The following ATP8B3 variants were observed in gnomAD, a reference collection of about 807,000 sequenced individuals.
The protein encoded by ATP8B3 is ATPase phospholipid transporting 8B3.
ATP8B3 carries 141 observed loss-of-function variants against 140.9 expected under a neutral mutation model. That is an observed-to-expected ratio of 1.00 (90% CI 0.87 to 1.15). The LOEUF (loss-of-function observed/expected upper bound fraction) is 1.15. Ranked by LOEUF, ATP8B3 falls within the 50% of genes most tolerant of loss-of-function variation. The probability of loss-of-function intolerance (pLI) is 0.00; values close to 1 mark genes in which losing one functional copy is unlikely to be tolerated. For missense variants in ATP8B3, 1,874 were observed against 1,740.6 expected (o/e 1.08, Z -1.36); for synonymous variants, 765 against 714.6 (o/e 1.07, Z -1.13).
At chr19:1,784,320 C>A (rs1205363122) in intron 28 of ATP8B3, among the ~76,000 whole-genome samples, 1 of 152,004 alleles carries the variant, frequency 6.6e-6, no homozygotes, top group Admixed American at 6.6e-5. Context: ...TTTGAACCAG[C>A]CTGGGCACCA....
At chr19:1,785,057 C>T (rs1007707870) in intron 27 of ATP8B3, 102 bp downstream of exon 27, 1 of 1,489,652 alleles carries the variant, frequency 6.7e-7, no homozygotes, top group South Asian at 1.4e-5. Flanking sequence ...GCGCCTTCCC[C>T]AGGACACTTT....
rs202137046 is a variant in ATP8B3, at chr19:1,788,910, C to G, written c.3056G>C (p.Gly1019Ala). 6.3e-7 allele frequency: 1 copy of G among 1,595,260 alleles called. No individual in the cohort carries two copies. The highest frequency in any genetic ancestry group is 8.5e-7 in the Non-Finnish European group (1 of 1,171,670). ...MVQVWFACYN[G>A]FTGQPLYEGW... ...TGGGGGACGCACCTGGCCGGTGAAG[C>G]CGTTGTAGCAGGCAAACCAGACCTG... The change falls in exon 24 of 29, where the codon GGC (glycine) becomes GCC (alanine). Residue 1019 changes from glycine (G) to alanine (A), a missense_variant. Physicochemically the swap from Gly to Ala is moderately conservative, Grantham distance 60. This residue lies in a region of ATP8B3 where 840 missense variants were observed against 760.9 expected (regional missense o/e 1.10). Transcript: ENST00000310127.
At position 1,795,911 on chromosome 19, in the gene ATP8B3, C is replaced by T. The variant is rs747616182; in HGVS notation, c.2019G>A (p.Arg673=). 6.2e-7 allele frequency: 1 copy of T among 1,613,124 alleles called. No homozygotes were observed. The highest frequency in any genetic ancestry group is 1.7e-5 in the Admixed American group (1 of 60,012). Residue 673 remains arginine, a synonymous_variant, in exon 18 of 29, where the codon AGG becomes AGA. Transcript: ENST00000310127. ...DTVIFERLHR[R]GAMEFATEEA... ...CCTCTGTGGCAAATTCCATTGCCCC[C>T]CTCCTGTGCAAGCGTTCGAAGATGA...
intron 4 of ATP8B3, among the ~76,000 whole-genome samples, chr19:1,808,746 T>C (rs1004959515): frequency 2.0e-5 from 3 of 152,238 alleles, no homozygotes; most frequent in East Asian, 1.9e-4. Context: ...AGGGCCGCGA[T>C]GGACACATTG....
intron 20 of ATP8B3, 91 bp from the exon 21 acceptor site, chr19:1,790,923 G>T: frequency 2.9e-6 from 3 of 1,044,654 alleles, no homozygotes; most frequent in East Asian, 3.4e-5. Context: ...ATCCTGGCCC[G>T]ACCAATGGCA....
chr19:1,812,015 G>T, intron 1 of ATP8B3, 131 bp from the exon 2 acceptor site: 1 of 453,888 alleles, frequency 2.2e-6, no homozygotes, highest in East Asian at 3.7e-5. Context: ...CCTGGACAGG[G>T]CTCCAGAGTC....
chr19:1,786,430 G>A (rs1362184587), intron 25 of ATP8B3, among the ~76,000 whole-genome samples: 1 of 152,092 alleles, frequency 6.6e-6, no homozygotes, highest in Non-Finnish European at 1.5e-5. Flanking sequence ...GCCGGGCATG[G>A]TGGTGCACGC....
chr19:1,808,193 GA>G (rs1337811963), intron 5 of ATP8B3, 28 bp downstream of exon 5: 1 of 1,548,824 alleles, frequency 6.5e-7, no homozygotes, highest in African/African-American at 1.4e-5. Context: ...GGCTAGGGGG[GA>G]CTTCCTGGAG....
In ATP8B3 at chr19:1,788,907, A is replaced by G; in HGVS notation, c.3059T>C (p.Phe1020Ser). The G allele has an allele frequency of 7.5e-6, 12 of 1,593,550 alleles. No homozygotes were observed. The highest frequency in any genetic ancestry group is 1.0e-5 in the Non-Finnish European group (12 of 1,170,914). ...VQVWFACYNG[F>S]TGQPLYEGWF... ...GGGTGGGGGACGCACCTGGCCGGTGAAGCCGTTGTAGCAGGCAAACCAGAC... is the reference window on the plus strand; with the variant it reads ...GGGTGGGGGACGCACCTGGCCGGTGGAGCCGTTGTAGCAGGCAAACCAGAC... Residue 1020 changes from phenylalanine to serine, a missense_variant, in exon 24 of 29, where the codon TTC (phenylalanine) becomes TCC (serine). Phe to Ser is a radical substitution (Grantham distance 155, BLOSUM62 -2). Around this residue, in one of 3 missense-constraint regions of ATP8B3, gnomAD observed 840 missense variants for 760.9 expected, o/e 1.10. Transcript: ENST00000310127.
rs779846871 is a variant in ATP8B3, at chr19:1,796,887, T to A, written c.1585-8A>T. On this transcript the variant is annotated splice_region_variant and splice_polypyrimidine_tract_variant and intron_variant, in intron 15 of 28. Transcript: ENST00000310127. ...CCAGAGGTAGGGGTTCTCCTGGGGG[T>A]GGCGGGGGCACGGGCCGGCTGTGGG... 2 of 1,602,980 alleles carry A rather than the reference T, an allele frequency of 1.2e-6. No homozygotes were observed. The highest frequency in any genetic ancestry group is 1.7e-6 in the Non-Finnish European group (2 of 1,173,750).
rs1281835179 is a variant in ATP8B3, at chr19:1,806,034, G to A, written c.750+63C>T. 4 of 1,607,224 alleles carry A rather than the reference G, an allele frequency of 2.5e-6. No individual in the cohort carries two copies. Among genetic ancestry groups the A allele is most frequent in the Non-Finnish European group, 3.4e-6 (4 of 1,177,438 alleles). On this transcript the variant is annotated intron_variant, in intron 8 of 28. Coordinates refer to ENST00000310127, the MANE Select transcript of ATP8B3 (RefSeq NM_138813.4). This position sits in a 1 kb window ranked among gnomAD's most constrained non-coding sequence, Gnocchi z 5.6. ...GGGGTGCGGCAGCCCTCCCCACCCTGGGAGGGGTGCTCTCGGTGAGGGGGC... is the reference window on the plus strand; with the variant it reads ...GGGGTGCGGCAGCCCTCCCCACCCTAGGAGGGGTGCTCTCGGTGAGGGGGC...
chr19:1,800,096 T>G lies in ATP8B3; in HGVS notation c.1403A>C (p.Tyr468Ser), dbSNP rs771681089. The G allele has an allele frequency of 1.1e-4, 179 of 1,572,120 alleles. 4 individuals carry two copies. The South Asian group carries it at 2.0e-3, about 18-fold the overall frequency. ...VFIDWDVQMY[Y>S]KPQDVPAKAR... Reference sequence around the variant, plus strand: ...CTTGGCAGGCACGTCCTGCGGCTTGTAGTACATCTGCACGTCCCAGTCGAT... The same window carrying G: ...CTTGGCAGGCACGTCCTGCGGCTTGGAGTACATCTGCACGTCCCAGTCGAT... The change falls in exon 14 of 29, where the codon TAC becomes TCC. Residue 468 changes from tyrosine (Y) to serine (S), a missense_variant. Physicochemically the swap from Tyr to Ser is moderately radical, Grantham distance 144. Transcript: ENST00000310127. The surrounding 1 kb of genome is among the most constrained non-coding windows in gnomAD (Gnocchi z 4.4).
Position 1,806,097 on chromosome 19 carries a change from T to C in ATP8B3, c.750A>G (p.Pro250=), listed in dbSNP as rs779990737. ...GACCTCGGGGTCAACCCCAGCTCAC[T>C]GGGACGATGTTGTCCTTGCGGAGAC... ...VVCLRKDNIV[P]ADMLLLASTE... is the part of the protein sequence containing the mutation. Residue 250 remains proline (P), a splice_region_variant and synonymous_variant, in exon 8 of 29, where the codon CCA becomes CCG. Transcript: ENST00000310127. This position sits in a 1 kb window ranked among gnomAD's most constrained non-coding sequence, Gnocchi z 5.6. 4 of 1,601,894 alleles carry C rather than the reference T, an allele frequency of 2.5e-6. No homozygotes were observed. The highest frequency in any genetic ancestry group is 3.4e-6 in the Non-Finnish European group (4 of 1,174,820).
Position 1,802,541 on chromosome 19 carries a change from G to A in ATP8B3, c.1009C>T (p.Arg337Ter), listed in dbSNP as rs568761860. The A allele has an allele frequency of 9.9e-6, 16 of 1,609,340 alleles. No homozygotes were observed. The highest frequency in any genetic ancestry group is 3.3e-5 in the South Asian group (3 of 90,880). ...TCTGTGTTGCGAATCCTGCAGCCTC[G>A]GAGGAGGAGGTTGCCAATGTCCAGG... ...YSLDIGNLLL[R>*]GCRIRNTDTC... is the part of the protein sequence containing the mutation. The change falls in exon 11 of 29, where the codon CGA becomes TGA. Residue 337 changes from arginine to a stop codon, truncating the protein, a stop_gained. Coordinates refer to ENST00000310127, the MANE Select transcript of ATP8B3 (RefSeq NM_138813.4). LOFTEE classifies it high-confidence loss of function.
chr19:1,791,718 G>A (rs1198175510), intron 20 of ATP8B3, 32 bp downstream of exon 20: 5 of 1,541,402 alleles, frequency 3.2e-6, no homozygotes, highest in Non-Finnish European at 4.5e-6. Flanking sequence ...ATGCTGCAGG[G>A]GCTTAGCCAC....
At chr19:1,786,114 A>T (rs1271377262) in intron 25 of ATP8B3, among the ~76,000 whole-genome samples, 2 of 151,964 alleles carry the variant, frequency 1.3e-5, no homozygotes, top group Non-Finnish European at 2.9e-5. Context: ...CCTGGGTGAG[A>T]GAATGGGACC....
intron 22 of ATP8B3, 79 bp from the exon 23 acceptor site, chr19:1,789,806 C>T: frequency 6.3e-7 from 1 of 1,578,260 alleles, no homozygotes; most frequent in Non-Finnish European, 8.6e-7. Context: ...TCGGCCTCGC[C>T]AGCAGTCCCC....
intron 14 of ATP8B3, among the ~76,000 whole-genome samples, chr19:1,797,413 C>G (rs1378676530): frequency 1.3e-5 from 2 of 152,118 alleles, no homozygotes; most frequent in Non-Finnish European, 2.9e-5. Flanking sequence ...GGGATGCAGC[C>G]CCATCCGTGG....
intron 14 of ATP8B3, chr19:1,799,549 G>A (rs568288059): frequency 2.6e-5 from 10 of 390,808 alleles, no homozygotes; most frequent in Admixed American, 8.8e-5. Context: ...GTGGATCGCC[G>A]GAGGCCAGGA....
Sources: gnomAD v4.1 joint callset for allele counts (sites outside exome capture counted in the v4.1 genomes callset) on GRCh38, gnomAD v4.1.1 for gene constraint, gnomAD v4.1.1 regional missense constraint, Gnocchi (gnomAD v3.1) non-coding constraint, MANE v1.5 for transcripts, NCBI Gene and HGNC (gene_info 2026-07-23, HGNC 2026-07-21) for gene names.